Variants in SLC12A6 observed in about 807,000 individuals in gnomAD.
SLC12A6 encodes the protein solute carrier family 12 member 6.
In SLC12A6, 66 loss-of-function variants were observed where a neutral mutation model predicts 135.3. The ratio of observed to expected loss-of-function variants is 0.49; its 90% CI spans 0.40 to 0.60. The LOEUF (loss-of-function observed/expected upper bound fraction) is 0.60. SLC12A6 is among the 20% of genes least tolerant of loss of function. The pLI, the probability that SLC12A6 is intolerant of heterozygous loss-of-function variation, is 0.00. For synonymous variants in SLC12A6, 513 were observed against 508.8 expected (o/e 1.01, Z -0.11); for missense variants, 1,058 against 1,452.3 (o/e 0.73, Z 4.41).
chr15:34,301,829 CA>C (rs1264411966), intron 2 of SLC12A6, among the ~76,000 whole-genome samples: 1 of 152,192 alleles, frequency 6.6e-6, no homozygotes, highest in Non-Finnish European at 1.5e-5. Flanking sequence ...GGGTACTCAT[CA>C]ACAATGTCCT....
intron 2 of SLC12A6, among the ~76,000 whole-genome samples, chr15:34,300,892 T>G (rs1290513936): frequency 1.3e-5 from 2 of 152,014 alleles, no homozygotes; most frequent in Non-Finnish European, 2.9e-5. Context: ...AGACAAGAAT[T>G]TTGTTTTAAC....
At chr15:34,307,213 A>G (rs1896659017) in intron 2 of SLC12A6, among the ~76,000 whole-genome samples, 1 of 152,240 alleles carries the variant, frequency 6.6e-6, no homozygotes, top group South Asian at 2.1e-4. Flanking sequence ...TTTGGAATTT[A>G]TTTCCCAAAG....
chr15:34,246,314 T>C (rs925993073), intron 13 of SLC12A6, among the ~76,000 whole-genome samples: 9 of 152,058 alleles, frequency 5.9e-5, no homozygotes, highest in South Asian at 2.1e-4. Flanking sequence ...CCAGATTTGA[T>C]CAAACGGCAC....
At chr15:34,315,100 C>G (rs1888545411) in intron 2 of SLC12A6, among the ~76,000 whole-genome samples, 1 of 152,174 alleles carries the variant, frequency 6.6e-6, no homozygotes, top group African/African-American at 2.4e-5. Context: ...GCTGTGAACA[C>G]TGGTGAAATG....
chr15:34,260,905 T>C, intron 4 of SLC12A6, 21 bp downstream of exon 4: 1 of 994,022 alleles, frequency 1.0e-6, no homozygotes, highest in Admixed American at 1.7e-5. Context: ...TCTCAGTCCA[T>C]AGTTTTCTCC....
upstream of SLC12A6, chr15:34,337,788 G>A (rs1017185626): frequency 6.6e-6 from 1 of 152,192 alleles, no homozygotes; most frequent in Non-Finnish European, 1.5e-5. Flanking sequence ...AACTGTTTCA[G>A]AGCCGCGGCG....
intron 13 of SLC12A6, among the ~76,000 whole-genome samples, chr15:34,250,016 C>T (rs563155512): frequency 1.0e-3 from 159 of 152,278 alleles, no homozygotes; most frequent in Non-Finnish European, 1.7e-3. Context: ...GTGATCCTCC[C>T]ACCTCAGTCC....
At chr15:34,273,074 G>T (rs1011187363) in intron 3 of SLC12A6, among the ~76,000 whole-genome samples, 4 of 152,180 alleles carry the variant, frequency 2.6e-5, no homozygotes, top group Non-Finnish European at 5.9e-5. Context: ...AAAGTGGCCG[G>T]GAGTGGTGGC....
chr15:34,320,439 T>C (rs1435039302), intron 2 of SLC12A6, among the ~76,000 whole-genome samples: 1 of 151,898 alleles, frequency 6.6e-6, no homozygotes, highest in African/African-American at 2.4e-5. Context: ...GCTAAAAATG[T>C]GGATCTCATG....
At chr15:34,300,404 T>C (rs1373469571) in intron 2 of SLC12A6, among the ~76,000 whole-genome samples, 3 of 152,016 alleles carry the variant, frequency 2.0e-5, no homozygotes, top group African/African-American at 7.3e-5. Flanking sequence ...CAGTACAACA[T>C]TGTTGGAAAT....
At chr15:34,284,731 A>T (rs1473008552) in intron 2 of SLC12A6, among the ~76,000 whole-genome samples, 2 of 152,200 alleles carry the variant, frequency 1.3e-5, no homozygotes, top group African/African-American at 2.4e-5. Flanking sequence ...AACAACCAGT[A>T]ACCTATGTCA....
chr15:34,272,629 T>C (rs1280341529), intron 3 of SLC12A6, among the ~76,000 whole-genome samples: 2 of 152,228 alleles, frequency 1.3e-5, no homozygotes, highest in Non-Finnish European at 2.9e-5. Flanking sequence ...AGATTAATGT[T>C]TGAAGCAGTC....
chr15:34,297,532 T>C (rs550224955), intron 2 of SLC12A6, among the ~76,000 whole-genome samples: 6 of 152,318 alleles, frequency 3.9e-5, no homozygotes, highest in South Asian at 2.1e-4. Context: ...CAAGGTGGTG[T>C]AGCCAATAAA....
rs369901701 is a variant in SLC12A6 at position 34,237,553 on chromosome 15, G to A, written c.2803-3C>T. 6.2e-7 allele frequency: 1 copy of A among 1,610,728 alleles called. No individual in the cohort carries two copies. Among genetic ancestry groups the A allele is most frequent in the Admixed American group, 1.7e-5 (1 of 59,944 alleles). ...CGTATGCTGCACTTTCGCCACACCT[G>A]AGAGAGTGACATACACATGTGAAAA... is the stretch of plus-strand genomic sequence containing the variant. On this transcript the variant is annotated splice_polypyrimidine_tract_variant and splice_region_variant and intron_variant, in intron 21 of 25. Coordinates refer to ENST00000354181, the MANE Select transcript of SLC12A6 (RefSeq NM_001365088.1).
intron 24 of SLC12A6, 71 bp downstream of exon 24, chr15:34,235,944 G>T: frequency 8.5e-7 from 1 of 1,181,520 alleles, no homozygotes; most frequent in Non-Finnish European, 1.3e-6. Flanking sequence ...CATCCTGTGT[G>T]TCCAGGCAAA....
intron 13 of SLC12A6, among the ~76,000 whole-genome samples, chr15:34,249,303 T>G (rs536882679): frequency 1.3e-5 from 2 of 152,290 alleles, no homozygotes; most frequent in Non-Finnish European, 2.9e-5. Context: ...TTCATGCCTA[T>G]AAGCCTAGCA....
chr15:34,252,997 T>G (rs995517368), intron 9 of SLC12A6, among the ~76,000 whole-genome samples: 3 of 152,200 alleles, frequency 2.0e-5, no homozygotes, highest in Non-Finnish European at 4.4e-5. Context: ...AAACTGTTTT[T>G]GAATTTAAGC....
In SLC12A6 at chr15:34,239,173, C is replaced by T. The variant is rs1254908026; in HGVS notation, c.2437-13G>A. Reference sequence around the variant, plus strand: ...GGTGCTTTATGGTCTGAAAGAGACACAGGACCGCAACACTGAACTGGTTCA... The same window carrying T: ...GGTGCTTTATGGTCTGAAAGAGACATAGGACCGCAACACTGAACTGGTTCA... On this transcript the variant is annotated splice_polypyrimidine_tract_variant and intron_variant, in intron 19 of 25. Transcript: ENST00000354181. The T allele has an allele frequency of 6.9e-6, 11 of 1,592,066 alleles. No individual in the cohort carries two copies. The South Asian group carries it at 7.7e-5, about 11-fold the overall frequency.
intron 3 of SLC12A6, among the ~76,000 whole-genome samples, chr15:34,268,847 CT>C (rs1013107464): frequency 2.6e-5 from 4 of 150,998 alleles, no homozygotes; most frequent in East Asian, 1.9e-4. Flanking sequence ...TATTATGTTT[CT>C]TTTTTTCTTT....
Sources: gnomAD v4.1 joint callset for allele counts (sites outside exome capture counted in the v4.1 genomes callset) on GRCh38, gnomAD v4.1.1 for gene constraint, MANE v1.5 for transcripts, NCBI Gene and HGNC (gene_info 2026-07-23, HGNC 2026-07-21) for gene names.